ANKRD12: variants seen among roughly 807,000 people sequenced by gnomAD.
ANKRD12 encodes the protein ankyrin repeat domain 12.
ANKRD12 carries 85 observed loss-of-function variants against 183.4 expected under a neutral mutation model. That is an observed-to-expected ratio of 0.46 (90% confidence interval 0.39 to 0.56). The LOEUF (loss-of-function observed/expected upper bound fraction) is 0.56, where lower values mean the gene tolerates loss of function less well. Among genes scored for constraint, ANKRD12 ranks in the 20% least tolerant of loss-of-function variants. The pLI is 0.00. For missense variants in ANKRD12, 2,405 were observed against 2,357.1 expected, an observed-to-expected ratio of 1.02 and a Z score of -0.42; for synonymous variants, 914 against 800.2, an observed-to-expected ratio of 1.14 and a Z score of -2.40.
chr18:9,187,244 C>G (rs374124028), intron 2 of ANKRD12, among the ~76,000 whole-genome samples: 1 of 151,802 alleles, frequency 6.6e-6, no homozygotes, highest in Non-Finnish European at 1.5e-5. Flanking sequence ...TGGGCAAGAC[C>G]CCCGTCTCTA....
rs755422876 is a variant in ANKRD12 at position 9,255,024 on chromosome 18, C to G, written c.1757C>G (p.Thr586Arg). The G allele has an allele frequency of 8.8e-6, 14 of 1,599,972 alleles. No homozygotes were observed. The African/African-American group carries it at 1.6e-4, about 18-fold the overall frequency. Residue 586 changes from threonine (T) to arginine (R), a missense_variant, in exon 9 of 13, where the codon ACA (threonine) becomes AGA (arginine). Coordinates refer to ENST00000262126, the MANE Select transcript of ANKRD12 (RefSeq NM_015208.5). The stretch of plus-strand genomic sequence containing the variant: ...CCTGATCTTGTTCGGTATGATAATA[C>G]AGAATCTGAATTCTTGCCAGAAAGT... ...LQPDLVRYDN[T>R]ESEFLPESSS... is the part of the protein sequence containing the mutation.
intron 8 of ANKRD12, among the ~76,000 whole-genome samples, chr18:9,246,270 T>G (rs1354804735): frequency 6.6e-6 from 1 of 152,226 alleles, no homozygotes; most frequent in African/African-American, 2.4e-5. Flanking sequence ...TTCCTTTCCC[T>G]TCTAAGGAGT....
Position 9,281,602 on chromosome 18 carries a change from TTC to T in ANKRD12, c.*478_*479del, listed in dbSNP as rs1196782969. 1 of 152,732 alleles carries T rather than the reference TTC, an allele frequency of 6.5e-6. No homozygotes were observed. Among genetic ancestry groups the T allele is most frequent in the East Asian group, 1.9e-4 (1 of 5,212 alleles). 9.5% of individuals were successfully genotyped at this position (152,732 alleles called of 1,614,324 possible). On this transcript the variant is annotated 3_prime_UTR_variant, in exon 13 of 13. Coordinates refer to ENST00000262126, the MANE Select transcript of ANKRD12 (RefSeq NM_015208.5). ...TTTATTATCTGTAAATTGTACAGTTTTCTTTTTGAAAGTTTTAATATTGTCTT... is the reference window on the plus strand; with the variant it reads ...TTTATTATCTGTAAATTGTACAGTTTTTTTTGAAAGTTTTAATATTGTCTT...
At chr18:9,176,477 G>A (rs1349002121) in intron 1 of ANKRD12, among the ~76,000 whole-genome samples, 2 of 151,936 alleles carry the variant, frequency 1.3e-5, no homozygotes, top group African/African-American at 4.8e-5. Flanking sequence ...TTTTTGTAGA[G>A]GCGGGGTTTC....
chr18:9,265,490 T>A (rs934400276), intron 10 of ANKRD12, among the ~76,000 whole-genome samples: 2 of 152,136 alleles, frequency 1.3e-5, no homozygotes, highest in Non-Finnish European at 2.9e-5. Flanking sequence ...TTCTGCAGTC[T>A]CCGCTGCTGT....
At chr18:9,154,467 A>T (rs1301260500) in intron 1 of ANKRD12, among the ~76,000 whole-genome samples, 2 of 151,966 alleles carry the variant, frequency 1.3e-5, no homozygotes. Flanking sequence ...ACACACCTGT[A>T]CTCCTAGCTG....
chr18:9,230,685 G>A (rs1440526984), intron 8 of ANKRD12, among the ~76,000 whole-genome samples: 1 of 150,590 alleles, frequency 6.6e-6, no homozygotes, highest in Non-Finnish European at 1.5e-5. Flanking sequence ...TTGAGACAGA[G>A]TCTAGCTCTG....
intron 4 of ANKRD12, 132 bp downstream of exon 4, chr18:9,204,676 G>C (rs561072075): frequency 3.1e-6 from 2 of 655,280 alleles, no homozygotes; most frequent in Non-Finnish European, 4.9e-6. Context: ...AACTACGTGG[G>C]TGACACCACA....
chr18:9,144,904 TAATA>T (rs1200542232), intron 1 of ANKRD12, among the ~76,000 whole-genome samples: 8 of 152,250 alleles, frequency 5.3e-5, no homozygotes, highest in South Asian at 2.1e-4. Flanking sequence ...ATACATTATG[TAATA>T]AATATGTATA....
intron 2 of ANKRD12, among the ~76,000 whole-genome samples, chr18:9,194,104 T>TA (rs1333240703): frequency 6.6e-6 from 1 of 152,188 alleles, no homozygotes. Flanking sequence ...CTGTGATCCT[T>TA]ACATATTTTC....
intron 8 of ANKRD12, among the ~76,000 whole-genome samples, chr18:9,227,203 A>G (rs2036769988): frequency 6.6e-6 from 1 of 152,170 alleles, no homozygotes; most frequent in Non-Finnish European, 1.5e-5. Flanking sequence ...TATATATAGA[A>G]AGAGAACAAG....
chr18:9,191,022 T>A (rs1465279033), intron 2 of ANKRD12, among the ~76,000 whole-genome samples: 1 of 152,184 alleles, frequency 6.6e-6, no homozygotes, highest in Non-Finnish European at 1.5e-5. Context: ...TCTGGATACT[T>A]CTTTTACCAT....
In ANKRD12 at chr18:9,283,559, A is replaced by G. The variant is rs2040169109; in HGVS notation, c.*2433A>G. On this transcript the variant is annotated 3_prime_UTR_variant, in exon 13 of 13. Transcript: ENST00000262126. ...TAGAAAAAAATTTGGAATGGAGTATATGCCTGAAAAGGTTTTGGATTCAGA... is the reference window on the plus strand; with the variant it reads ...TAGAAAAAAATTTGGAATGGAGTATGTGCCTGAAAAGGTTTTGGATTCAGA... The G allele has an allele frequency of 6.6e-6, 1 of 152,638 alleles. No homozygotes were observed. The highest frequency in any genetic ancestry group is 2.1e-4 in the South Asian group (1 of 4,838). 9.5% of individuals were successfully genotyped at this position (152,638 alleles called of 1,614,324 possible). A position where few individuals can be genotyped will look rare whatever the true frequency, so the allele number is the denominator to read the frequency against.
In ANKRD12 at chr18:9,257,975, C is replaced by A; in HGVS notation, c.4708C>A (p.Gln1570Lys). 1 of 1,613,868 alleles carries A rather than the reference C, an allele frequency of 6.2e-7. No individual in the cohort carries two copies. The highest frequency in any genetic ancestry group is 8.5e-7 in the Non-Finnish European group (1 of 1,179,940). Residue 1570 changes from glutamine to lysine, a missense_variant, in exon 9 of 13, where the codon CAA (glutamine) becomes AAA (lysine). Physicochemically the swap from Gln to Lys is moderately conservative, Grantham distance 53 (BLOSUM62 1). Transcript: ENST00000262126. ...FVPVYSDSTI[Q>K]EASPNFEKAY... ...CCCAGTGTACTCTGACAGCACTATT[C>A]AAGAAGCATCACCAAACTTTGAGAA... is the stretch of plus-strand genomic sequence containing the variant.
intron 8 of ANKRD12, among the ~76,000 whole-genome samples, chr18:9,237,614 A>G (rs2037421653): frequency 6.6e-6 from 1 of 152,210 alleles, no homozygotes; most frequent in South Asian, 2.1e-4. Flanking sequence ...AGACATTTTT[A>G]TAAGGTATTG....
intron 1 of ANKRD12, among the ~76,000 whole-genome samples, chr18:9,179,848 A>G (rs537786594): frequency 6.6e-6 from 1 of 152,298 alleles, no homozygotes; most frequent in African/African-American, 2.4e-5. Flanking sequence ...CTACGAGCAA[A>G]CTTTGTATGG....
rs35964343 is a variant in ANKRD12 at position 9,178,343 on chromosome 18, C to CTCTCTCTCTCTCTT, written c.-51-4039_-51-4038insTCTCTCTCTCTCTT. ...AGATTCTCTCTCTCTCTCTCTCTCT[C>CTCTCTCTCTCTCTT]GTTTTTTGCATTTGGATATACAGTT... On this transcript the variant is annotated intron_variant, in intron 1 of 12. Coordinates refer to ENST00000262126, the MANE Select transcript of ANKRD12 (RefSeq NM_015208.5). 5.0e-3 allele frequency among the ~76,000 whole-genome samples: 751 copies of CTCTCTCTCTCTCTT among 151,108 alleles called. 4 individuals carry two copies. Among genetic ancestry groups the CTCTCTCTCTCTCTT allele is most frequent in the African/African-American group, 0.017 (713 of 41,210 alleles).
intron 8 of ANKRD12, among the ~76,000 whole-genome samples, chr18:9,237,345 C>G (rs917108899): frequency 2.6e-5 from 4 of 152,172 alleles, no homozygotes; most frequent in African/African-American, 9.7e-5. Context: ...CAAATTGTCT[C>G]TATAACATTC....
Position 9,245,270 on chromosome 18 carries a change from C to A in ANKRD12, c.944-8941C>A, listed in dbSNP as rs549667208. Among the ~76,000 whole-genome samples, 238 of 147,980 alleles carry A rather than the reference C, an allele frequency of 1.6e-3. 1 individual carries two copies. Among genetic ancestry groups the A allele is most frequent in the Non-Finnish European group, 3.2e-3 (215 of 67,098 alleles). ...TTCGAGAGCAGCCTGGGCAACATGGCAAAACCCCATTTCTACAAAAAAAAA... is the reference window on the plus strand; with the variant it reads ...TTCGAGAGCAGCCTGGGCAACATGGAAAAACCCCATTTCTACAAAAAAAAA... On this transcript the variant is annotated intron_variant, in intron 8 of 12. Transcript: ENST00000262126.
Sources: gnomAD v4.1 joint callset for allele counts (sites outside exome capture counted in the v4.1 genomes callset) on GRCh38, gnomAD v4.1.1 for gene constraint, MANE v1.5 for transcripts, NCBI Gene and HGNC (gene_info 2026-07-23, HGNC 2026-07-21) for gene names.